Variants in RIC1 observed in about 807,000 individuals in gnomAD.
The protein encoded by RIC1 is guanine nucleotide exchange factor subunit RIC1.
In RIC1, 88 loss-of-function variants were observed where a neutral mutation model predicts 169.0. The observed-to-expected ratio is 0.52, with a 90% confidence interval of 0.44 to 0.62. The LOEUF is 0.62. Among genes scored for constraint, RIC1 ranks in the 20% least tolerant of loss-of-function variants. RIC1 has a pLI of 0.00. For synonymous variants in RIC1, 790 were observed against 601.5 expected (o/e 1.31, Z -4.59); for missense variants, 1,877 against 1,725.5 (o/e 1.09, Z -1.56).
At chr9:5,631,800 C>T (rs1266393856) in intron 1 of RIC1, among the ~76,000 whole-genome samples, 2 of 151,908 alleles carry the variant, frequency 1.3e-5, no homozygotes, top group Admixed American at 6.6e-5. Flanking sequence ...TCTTCTCTTC[C>T]TGGGATATGC....
intron 2 of RIC1, among the ~76,000 whole-genome samples, chr9:5,684,207 C>T (rs865831083): frequency 3.3e-4 from 45 of 135,156 alleles, no homozygotes; most frequent in African/African-American, 1.2e-3. Flanking sequence ...AGAAATCACC[C>T]GTCTTCTGTG....
At chr9:5,720,831 A>G (rs566032994) in intron 6 of RIC1, 81 bp downstream of exon 6, 4 of 1,226,930 alleles carry the variant, frequency 3.3e-6, no homozygotes, top group African/African-American at 3.1e-5. Flanking sequence ...CTCTATTTTC[A>G]TCATTCATGT....
At chr9:5,670,744 T>C (rs1435088922) in intron 2 of RIC1, among the ~76,000 whole-genome samples, 2 of 152,192 alleles carry the variant, frequency 1.3e-5, no homozygotes, top group Non-Finnish European at 2.9e-5. Flanking sequence ...GGAATTGCAA[T>C]AGAGAAAGTT....
chr9:5,744,192 T>A (rs1267614166), intron 10 of RIC1, among the ~76,000 whole-genome samples: 1 of 152,160 alleles, frequency 6.6e-6, no homozygotes, highest in African/African-American at 2.4e-5. Flanking sequence ...ACCCCTGTCA[T>A]CTTTATGATG....
chr9:5,697,642 A>G (rs1821981236), intron 3 of RIC1, among the ~76,000 whole-genome samples: 1 of 152,190 alleles, frequency 6.6e-6, no homozygotes, highest in Non-Finnish European at 1.5e-5. Context: ...TGAGGCCTGG[A>G]GTTTTAGGAA....
intron 3 of RIC1, among the ~76,000 whole-genome samples, chr9:5,695,737 ATT>A (rs550257590): frequency 6.6e-5 from 10 of 151,648 alleles, no homozygotes; most frequent in Non-Finnish European, 1.3e-4. Context: ...CACCTAGCTA[ATT>A]TTTGTATTTT....
intron 3 of RIC1, among the ~76,000 whole-genome samples, chr9:5,709,168 T>G (rs1422949963): frequency 2.0e-5 from 3 of 152,190 alleles, no homozygotes; most frequent in Non-Finnish European, 4.4e-5. Context: ...CCCCTCATAT[T>G]TTATAGGCCA....
intron 2 of RIC1, among the ~76,000 whole-genome samples, chr9:5,662,707 G>C (rs1232544627): frequency 2.6e-5 from 4 of 152,044 alleles, no homozygotes; most frequent in Non-Finnish European, 5.9e-5. Flanking sequence ...TTCTGATTGT[G>C]TTTATTTAAA....
At chr9:5,742,526 C>G (rs768569763) in intron 8 of RIC1, among the ~76,000 whole-genome samples, 8 of 151,914 alleles carry the variant, frequency 5.3e-5, no homozygotes, top group Non-Finnish European at 8.8e-5. Context: ...CTAAAGACAG[C>G]TTTTACTGTA....
chr9:5,745,957 A>G lies in RIC1; in HGVS notation c.1122A>G (p.Leu374=), dbSNP rs1374751819. ...GCTGGGGTGCAGAAGGCTATCACCT[A>G]TGGGTAATCAGCGGATTTGGTTCTC... ...SMSWGAEGYH[L]WVISGFGSQN... Residue 374 remains leucine, a synonymous_variant, in exon 11 of 26, where the codon CTA becomes CTG. Coordinates refer to ENST00000414202, the MANE Select transcript of RIC1 (RefSeq NM_020829.4). The G allele has an allele frequency of 5.6e-6, 9 of 1,613,540 alleles. No individual in the cohort carries two copies. The highest frequency in any genetic ancestry group is 4.5e-5 in the East Asian group (2 of 44,862).
At chr9:5,777,139 A>T (rs553582644), downstream of RIC1, among the ~76,000 whole-genome samples, 12 of 152,234 alleles carry the variant, frequency 7.9e-5, no homozygotes, top group East Asian at 2.3e-3. Context: ...TAGGATTATT[A>T]GCCATTTGTC....
In RIC1 at chr9:5,758,679, T is replaced by A. The variant is rs76456662; in HGVS notation, c.1992+1228T>A. ...TACTTCCATATGTCCAACTATTTCATTGGATGTTTATTCTAGACCCCTTAA... is the reference window on the plus strand; with the variant it reads ...TACTTCCATATGTCCAACTATTTCAATGGATGTTTATTCTAGACCCCTTAA... On this transcript the variant is annotated intron_variant, in intron 17 of 25. Coordinates refer to ENST00000414202, the MANE Select transcript of RIC1 (RefSeq NM_020829.4). 8.3e-3 allele frequency among the ~76,000 whole-genome samples: 1,259 copies of A among 151,736 alleles called. 28 individuals carry two copies. Among genetic ancestry groups the A allele is most frequent in the African/African-American group, 0.029 (1,212 of 41,308 alleles).
intron 2 of RIC1, among the ~76,000 whole-genome samples, chr9:5,675,159 G>T (rs1342670389): frequency 6.6e-6 from 1 of 152,102 alleles, no homozygotes; most frequent in Non-Finnish European, 1.5e-5. Context: ...GGGTTAGACC[G>T]CACAGGCTAA....
chr9:5,689,525 T>A (rs1230884683), intron 2 of RIC1, among the ~76,000 whole-genome samples: 1 of 152,208 alleles, frequency 6.6e-6, no homozygotes, highest in Non-Finnish European at 1.5e-5. Context: ...GTTCTGAAGT[T>A]AATACTGTGT....
At chr9:5,777,476 A>G (rs1467387133), downstream of RIC1, among the ~76,000 whole-genome samples, 1 of 151,502 alleles carries the variant, frequency 6.6e-6, no homozygotes, top group Admixed American at 6.6e-5. Context: ...TCAGCATGTG[A>G]TTACAATCAC....
chr9:5,750,524 T>C (rs917158222), intron 12 of RIC1, among the ~76,000 whole-genome samples: 5 of 151,948 alleles, frequency 3.3e-5, no homozygotes, highest in African/African-American at 4.9e-5. Context: ...AGAACAAATC[T>C]GCTAGGAGGA....
intron 17 of RIC1, among the ~76,000 whole-genome samples, chr9:5,758,207 G>A (rs1463797796): frequency 2.0e-5 from 3 of 152,096 alleles, no homozygotes; most frequent in Non-Finnish European, 2.9e-5. Flanking sequence ...GTATAATCCC[G>A]TAGTTTCTGG....
chr9:5,775,583 T>C lies in RIC1; in HGVS notation c.*1337T>C, dbSNP rs1827539713. ...TACCACTATCTAAAATAGCCTCTTT[T>C]CTCATAGTGCAGTTGTAGTTTAGAA... On this transcript the variant is annotated 3_prime_UTR_variant, in exon 26 of 26. Coordinates refer to ENST00000414202, the MANE Select transcript of RIC1 (RefSeq NM_020829.4). 6.6e-6 allele frequency: 1 copy of C among 152,310 alleles called. No homozygotes were observed. The highest frequency in any genetic ancestry group is 2.1e-4 in the South Asian group (1 of 4,830). The allele number at this position is 152,310 out of a possible 1,614,324, so 9.4% of individuals were successfully genotyped here.
intron 3 of RIC1, among the ~76,000 whole-genome samples, chr9:5,708,522 T>A (rs1332180336): frequency 6.6e-6 from 1 of 152,144 alleles, no homozygotes; most frequent in Non-Finnish European, 1.5e-5. Context: ...TTCTTTTTTG[T>A]TTTTGAAGGA....
Sources: gnomAD v4.1 joint callset for allele counts (sites outside exome capture counted in the v4.1 genomes callset) on GRCh38, gnomAD v4.1.1 for gene constraint, MANE v1.5 for transcripts, NCBI Gene and HGNC (gene_info 2026-07-23, HGNC 2026-07-21) for gene names.